Variants in POLQ observed in about 807,000 individuals in gnomAD.
POLQ encodes DNA polymerase theta.
POLQ carries 233 observed loss-of-function variants against 259.2 expected under a neutral mutation model. That is an observed-to-expected ratio of 0.90 (90% CI 0.81 to 1.00). The LOEUF (loss-of-function observed/expected upper bound fraction) is 1.00. POLQ is among the 50% of genes least tolerant of loss of function. POLQ has a pLI of 0.00. For synonymous variants in POLQ, 1,025 were observed against 1,048.8 expected (o/e 0.98, Z 0.44); for missense variants, 2,871 against 3,051.6 (o/e 0.94, Z 1.39).
At chr3:121,525,622 G>A (rs976273235) in intron 7 of POLQ, among the ~76,000 whole-genome samples, 8 of 151,868 alleles carry the variant, frequency 5.3e-5, no homozygotes, top group African/African-American at 9.7e-5. Flanking sequence ...CAATCCTTTC[G>A]CCATTTGCTG....
Position 121,498,398 on chromosome 3 carries a change from T to C in POLQ, c.2153+79A>G, listed in dbSNP as rs192667185. On this transcript the variant is annotated intron_variant, in intron 13 of 29. Transcript: ENST00000264233. ...ATTTTGATTTTATTGACAATGAAAG[T>C]GACTACAATAAACTGGGCGTCTACT... The C allele has an allele frequency of 8.6e-6, 8 of 928,582 alleles. No homozygotes were observed. The African/African-American group carries it at 1.2e-4, about 14-fold the overall frequency. 57.5% of individuals were successfully genotyped at this position (928,582 alleles called of 1,614,324 possible).
At chr3:121,432,513 C>T in intron 29 of POLQ, 96 bp from the exon 30 acceptor site, 2 of 1,233,838 alleles carry the variant, frequency 1.6e-6, no homozygotes, top group South Asian at 3.2e-5. Context: ...TGGAGCTCTT[C>T]ACCCAATGGT....
chr3:121,521,234 T>C (rs568361480), intron 8 of POLQ, among the ~76,000 whole-genome samples: 5 of 152,188 alleles, frequency 3.3e-5, no homozygotes, highest in Non-Finnish European at 5.9e-5. Flanking sequence ...CTTTATTCAG[T>C]GTATCCATGC....
intron 26 of POLQ, among the ~76,000 whole-genome samples, chr3:121,443,262 C>T (rs2047608349): frequency 6.6e-6 from 1 of 152,196 alleles, no homozygotes; most frequent in African/African-American, 2.4e-5. Context: ...TCTTCGCCTG[C>T]ATTTGTTATC....
In POLQ at chr3:121,471,993, T is replaced by C; in HGVS notation, c.6715A>G (p.Thr2239Ala). Residue 2239 changes from threonine to alanine, a missense_variant, in exon 22 of 30, where the codon ACA becomes GCA. This residue lies in a region of POLQ where 2,080 missense variants were observed against 2,126.0 expected (regional missense o/e 0.98). Coordinates refer to ENST00000264233, the MANE Select transcript of POLQ (RefSeq NM_199420.4). ...TATACTTAAGATTTCTCATCACCTGTAGCAGTGTGCGACTGTGATACAGGA... is the reference window on the plus strand; with the variant it reads ...TATACTTAAGATTTCTCATCACCTGCAGCAGTGTGCGACTGTGATACAGGA... ...IYPVSQSHTATGRITFTEPNI... is the reference protein window; with the variant it reads ...IYPVSQSHTAAGRITFTEPNI... 1 of 1,477,112 alleles carries C rather than the reference T, an allele frequency of 6.8e-7. No homozygotes were observed. Among genetic ancestry groups the C allele is most frequent in the Non-Finnish European group, 9.2e-7 (1 of 1,091,260 alleles). 91.5% of individuals were successfully genotyped at this position (1,477,112 alleles called of 1,614,324 possible).
Position 121,488,625 on chromosome 3 carries a change from A to C in POLQ, c.4306T>G (p.Ser1436Ala), listed in dbSNP as rs528697921. 80 of 1,603,526 alleles carry C rather than the reference A, an allele frequency of 5.0e-5. 1 individual carries two copies. The South Asian group carries it at 8.3e-4, about 17-fold the overall frequency. ...NGLFLKKNEV[S>A]VTDSQLNSFL... ...CTATTTAATTGTGAATCAGTAACAGAAACTTCATTCTTTTTTAAAAAAAGA... is the reference window on the plus strand; with the variant it reads ...CTATTTAATTGTGAATCAGTAACAGCAACTTCATTCTTTTTTAAAAAAAGA... Residue 1436 changes from serine (S) to alanine (A), a missense_variant, in exon 16 of 30, where the codon TCT (serine) becomes GCT (alanine). Ser to Ala is a moderately conservative substitution (Grantham distance 99). Transcript: ENST00000264233.
intron 19 of POLQ, among the ~76,000 whole-genome samples, chr3:121,480,748 A>G (rs1184462396): frequency 6.6e-6 from 1 of 152,226 alleles, no homozygotes; most frequent in Non-Finnish European, 1.5e-5. Flanking sequence ...CACTGCCCAT[A>G]TTCACTATCT....
At chr3:121,449,929 G>A (rs991025963) in intron 25 of POLQ, among the ~76,000 whole-genome samples, 3 of 152,136 alleles carry the variant, frequency 2.0e-5, no homozygotes, top group Admixed American at 1.3e-4. Flanking sequence ...GTCCACAACT[G>A]CAGAATTTAA....
At chr3:121,440,803 T>C (rs2047585458) in intron 26 of POLQ, among the ~76,000 whole-genome samples, 1 of 152,192 alleles carries the variant, frequency 6.6e-6, no homozygotes, top group African/African-American at 2.4e-5. Context: ...TTATCATTCC[T>C]AGGTTTAAAA....
Position 121,488,397 on chromosome 3 carries a change from G to A in POLQ, c.4534C>T (p.Pro1512Ser). Residue 1512 changes from proline (P) to serine (S), a missense_variant, in exon 16 of 30, where the codon CCC becomes TCC. Coordinates refer to ENST00000264233, the MANE Select transcript of POLQ (RefSeq NM_199420.4). ...EQLPDMQMKEPLPSEVTSNHF... is the reference protein window; with the variant it reads ...EQLPDMQMKESLPSEVTSNHF... The stretch of plus-strand genomic sequence containing the variant: ...TTTGATGTTACTTCTGAAGGAAGGG[G>A]TTCTTTCATTTGCATATCAGGTAAT... The A allele has an allele frequency of 6.2e-7, 1 of 1,611,268 alleles. No individual in the cohort carries two copies.
In POLQ at chr3:121,489,288, CTATTA is replaced by C; in HGVS notation, c.3638_3642del (p.Ile1213ArgfsTer7). On this transcript the variant is annotated frameshift_variant, in exon 16 of 30. Transcript: ENST00000264233. LOFTEE classifies it high-confidence loss of function. ...ACTGCTTCACAGGGCATTTGTCTCT[CTATTA>C]TATTTTTCTGTTTGGTAATAGTGCT... is the stretch of plus-strand genomic sequence containing the variant. 1 of 1,613,748 alleles carries C rather than the reference CTATTA, an allele frequency of 6.2e-7. No homozygotes were observed. Among genetic ancestry groups the C allele is most frequent in the East Asian group, 2.2e-5 (1 of 44,868 alleles).
chr3:121,480,151 A>T (rs1306613424), intron 19 of POLQ, among the ~76,000 whole-genome samples: 6 of 151,630 alleles, frequency 4.0e-5, no homozygotes, highest in Admixed American at 3.9e-4. Context: ...TGGAGTAATA[A>T]AAAGAAAAAA....
chr3:121,484,737 C>A (rs1012304964), intron 17 of POLQ, among the ~76,000 whole-genome samples: 1 of 152,010 alleles, frequency 6.6e-6, no homozygotes, highest in African/African-American at 2.4e-5. Flanking sequence ...CCTGTCTCTA[C>A]TAAAAAAATA....
chr3:121,442,362 C>A (rs1002526669), intron 26 of POLQ, among the ~76,000 whole-genome samples: 1 of 152,102 alleles, frequency 6.6e-6, no homozygotes, highest in Non-Finnish European at 1.5e-5. Context: ...ACTATAGTCA[C>A]CCTGTTGTGC....
chr3:121,527,490 C>T (rs2048381594), intron 7 of POLQ, among the ~76,000 whole-genome samples: 1 of 152,218 alleles, frequency 6.6e-6, no homozygotes, highest in Non-Finnish European at 1.5e-5. Context: ...AGCCACCTCA[C>T]CCAGCAGGTA....
In POLQ at chr3:121,533,151, T is replaced by C. The variant is rs967113940; in HGVS notation, c.799A>G (p.Thr267Ala). Residue 267 changes from threonine (T) to alanine (A), a missense_variant, in exon 6 of 30, where the codon ACC becomes GCC. By Grantham distance (58) the Thr-to-Ala change is moderately conservative. Coordinates refer to ENST00000264233, the MANE Select transcript of POLQ (RefSeq NM_199420.4). ...NAVQIVGMSA[T>A]LPNLELVASW... Reference sequence around the variant, plus strand: ...GCCACAAGCTCCAAATTAGGAAGGGTAGCACTCATGCCAACGATTTGCACA... The same window carrying C: ...GCCACAAGCTCCAAATTAGGAAGGGCAGCACTCATGCCAACGATTTGCACA... 1 of 1,613,988 alleles carries C rather than the reference T, an allele frequency of 6.2e-7. No homozygotes were observed. The highest frequency in any genetic ancestry group is 8.5e-7 in the Non-Finnish European group (1 of 1,179,940).
At chr3:121,494,915 A>C in intron 14 of POLQ, 1 of 1,267,918 alleles carries the variant, frequency 7.9e-7, no homozygotes, top group Non-Finnish European at 1.1e-6. Flanking sequence ...TTAAATGTAC[A>C]CTGTTGAGTT....
intron 4 of POLQ, among the ~76,000 whole-genome samples, chr3:121,537,620 A>G (rs2048460152): frequency 6.6e-6 from 1 of 152,184 alleles, no homozygotes; most frequent in Non-Finnish European, 1.5e-5. Flanking sequence ...CTTTGCTACA[A>G]AGGACATGAT....
Position 121,510,205 on chromosome 3 carries a change from C to T in POLQ, c.1650G>A (p.Met550Ile), listed in dbSNP as rs757390657. The T allele has an allele frequency of 1.1e-5, 17 of 1,613,280 alleles. No homozygotes were observed. The highest frequency in any genetic ancestry group is 1.3e-5 in the African/African-American group (1 of 74,928). ...AAAATGTGCAGGCAGCATAAGTATG[C>T]ATATCTTGTGATGTACTTGCCACTC... is the stretch of plus-strand genomic sequence containing the variant. ...VGGVASTSQD[M>I]HTYAACTFLA... Residue 550 changes from methionine to isoleucine, a missense_variant, in exon 11 of 30, where the codon ATG becomes ATA. Met to Ile is a conservative substitution (Grantham distance 10). Coordinates refer to ENST00000264233, the MANE Select transcript of POLQ (RefSeq NM_199420.4).
Sources: allele counts gnomAD v4.1 joint callset (sites outside exome capture counted in the v4.1 genomes callset), GRCh38; gene constraint gnomAD v4.1.1; regional missense constraint gnomAD v4.1.1; transcripts MANE v1.5; gene names NCBI Gene and HGNC (gene_info 2026-07-23, HGNC 2026-07-21).